Variants in ABLIM2 observed in about 807,000 individuals in gnomAD.
The protein encoded by ABLIM2 is actin binding LIM protein family member 2, also known as actin-binding LIM protein 2.
In ABLIM2, 53 loss-of-function variants were observed where a neutral mutation model predicts 97.7. The observed-to-expected ratio is 0.54, with a 90% CI of 0.44 to 0.68. The LOEUF is 0.68. Ranked by LOEUF, ABLIM2 falls within the 30% of genes least tolerant of loss-of-function variation. The pLI is 0.00. For missense variants in ABLIM2, 835 were observed against 867.2 expected, an observed-to-expected ratio of 0.96 and a Z score of 0.47; for synonymous variants, 361 against 345.8, an observed-to-expected ratio of 1.04 and a Z score of -0.49.
chr4:7,993,453 G>A (rs192592466), intron 16 of ABLIM2, among the ~76,000 whole-genome samples: 25 of 152,346 alleles, frequency 1.6e-4, no homozygotes, highest in Non-Finnish European at 2.6e-4. Flanking sequence ...GGAGGCCAAG[G>A]TGGGAAAATC....
chr4:8,102,559 T>C (rs1001839615), intron 2 of ABLIM2, among the ~76,000 whole-genome samples: 4 of 152,204 alleles, frequency 2.6e-5, no homozygotes, highest in African/African-American at 4.8e-5. Context: ...TGAATGACTT[T>C]TACTTAGAAA....
chr4:8,081,961 G>C (rs1218682361), intron 4 of ABLIM2, among the ~76,000 whole-genome samples: 1 of 152,168 alleles, frequency 6.6e-6, no homozygotes, highest in Non-Finnish European at 1.5e-5. Flanking sequence ...GTGTGTCTAC[G>C]TATGTGTTTG....
intron 15 of ABLIM2, 84 bp downstream of exon 15, chr4:8,008,966 G>A (rs950803300): frequency 1.9e-5 from 29 of 1,495,992 alleles, no homozygotes; most frequent in African/African-American, 9.7e-5. Context: ...AGGAAGATTC[G>A]AAGTCTCAAT....
chr4:8,000,105 G>T (rs369412914), intron 16 of ABLIM2, among the ~76,000 whole-genome samples: 1 of 152,058 alleles, frequency 6.6e-6, no homozygotes, highest in Non-Finnish European at 1.5e-5. Context: ...GGCACTGCAC[G>T]GGTTCAGGTC....
intron 17 of ABLIM2, among the ~76,000 whole-genome samples, chr4:7,987,596 T>A (rs1745408754): frequency 6.6e-6 from 1 of 152,182 alleles, no homozygotes; most frequent in Admixed American, 6.5e-5. Context: ...TCGCTCTGCA[T>A]AACGGGCTTC....
In ABLIM2 at chr4:8,054,238, T is replaced by A. The variant is rs201080901; in HGVS notation, c.772A>T (p.Ile258Phe). The A allele has an allele frequency of 6.2e-7, 1 of 1,614,058 alleles. No homozygotes were observed. The highest frequency in any genetic ancestry group is 2.2e-5 in the East Asian group (1 of 44,886). ...GEEMYLQGSS[I>F]WHPACRQAAR... is the part of the protein sequence containing the mutation. ...GCTTGTCGACACGCCGGATGCCAGA[T>A]GGAGGAACCTGTTGACAAATTCCCA... The change falls in exon 8 of 21, where the codon ATC becomes TTC. Residue 258 changes from isoleucine to phenylalanine, a missense_variant. Transcript: ENST00000447017. This position sits in a 1 kb window ranked among gnomAD's most constrained non-coding sequence, Gnocchi z 4.9.
At chr4:8,034,817 AGGTGGGT>A (rs1382043731) in intron 10 of ABLIM2, among the ~76,000 whole-genome samples, 7 of 25,668 alleles carry the variant, frequency 2.7e-4, no homozygotes, top group Non-Finnish European at 4.2e-4. Flanking sequence ...AGGTGGGTGC[AGGTGGGT>A]GGTGGGTGGT....
rs189332425 is a variant in ABLIM2 at position 8,004,689 on chromosome 4, C to T, written c.1618+3370G>A. ...AGTCCACACCACCTTGTGTTCCTCC[C>T]CCAAGGCAGCGAGTCTTGTTCTAGA... On this transcript the variant is annotated intron_variant, in intron 16 of 20. Coordinates refer to ENST00000447017, the MANE Select transcript of ABLIM2 (RefSeq NM_001130083.2). The surrounding 1 kb of genome is among the most constrained non-coding windows in gnomAD (Gnocchi z 5.9). Among the ~76,000 whole-genome samples, 140 of 152,272 alleles carry T rather than the reference C, an allele frequency of 9.2e-4. No homozygotes were observed. Among genetic ancestry groups the T allele is most frequent in the Middle Eastern group, 3.4e-3 (1 of 294 alleles).
intron 3 of ABLIM2, 88 bp downstream of exon 3, chr4:8,097,011 G>A (rs1831985396): frequency 1.4e-6 from 2 of 1,448,768 alleles, no homozygotes; most frequent in African/African-American, 2.8e-5. Flanking sequence ...TCACGGGAGG[G>A]AGCAGGAGGA....
At chr4:8,028,307 G>T (rs547908751) in intron 11 of ABLIM2, among the ~76,000 whole-genome samples, 37 of 152,198 alleles carry the variant, frequency 2.4e-4, no homozygotes, top group Non-Finnish European at 4.3e-4. Flanking sequence ...TGTGCTATGG[G>T]GATTGAGCCA....
intron 20 of ABLIM2, among the ~76,000 whole-genome samples, chr4:7,971,572 G>A (rs1252469363): frequency 6.6e-6 from 1 of 152,114 alleles, no homozygotes; most frequent in African/African-American, 2.4e-5. Flanking sequence ...GCCAGACCTG[G>A]GAGCCAGGTT....
At chr4:8,111,959 C>T (rs1389868666) in intron 1 of ABLIM2, among the ~76,000 whole-genome samples, 1 of 149,786 alleles carries the variant, frequency 6.7e-6, no homozygotes, top group Non-Finnish European at 1.5e-5. Flanking sequence ...TAAAAAGGAA[C>T]TAACCACAAT....
chr4:8,131,779 C>A (rs1397695349), intron 1 of ABLIM2, among the ~76,000 whole-genome samples: 1 of 109,356 alleles, frequency 9.1e-6, no homozygotes, highest in Admixed American at 8.6e-5. Context: ...CAGCCCGCAT[C>A]CCCTGCACAG....
chr4:8,003,018 G>A lies in ABLIM2; in HGVS notation c.1618+5041C>T, dbSNP rs201642708. On this transcript the variant is annotated intron_variant, in intron 16 of 20. Coordinates refer to ENST00000447017, the MANE Select transcript of ABLIM2 (RefSeq NM_001130083.2). This position sits in a 1 kb window ranked among gnomAD's most constrained non-coding sequence, Gnocchi z 4.2. Reference sequence around the variant, plus strand: ...GTTTCTCTTTGTCTCCCAGCCCCTAGTAGAATGTCGGCTCCCCAGACAGGG... The same window carrying A: ...GTTTCTCTTTGTCTCCCAGCCCCTAATAGAATGTCGGCTCCCCAGACAGGG... Among the ~76,000 whole-genome samples the A allele has an allele frequency of 6.6e-6, 1 of 152,178 alleles. No homozygotes were observed. The highest frequency in any genetic ancestry group is 1.9e-4 in the East Asian group (1 of 5,188).
chr4:8,157,511 G>A (rs1411140386), intron 1 of ABLIM2, among the ~76,000 whole-genome samples: 7 of 152,364 alleles, frequency 4.6e-5, no homozygotes, highest in African/African-American at 1.7e-4. Flanking sequence ...TCCCGGCAAC[G>A]CCGTCCCTCC....
At chr4:8,059,512 CT>C (rs1801477086) in intron 7 of ABLIM2, among the ~76,000 whole-genome samples, 1 of 152,092 alleles carries the variant, frequency 6.6e-6, no homozygotes, top group Non-Finnish European at 1.5e-5. Flanking sequence ...AAGGTGCCCC[CT>C]GTCCCCCGGC....
rs1744454602 is a variant in ABLIM2 at position 7,986,679 on chromosome 4, T to A, written c.1681-1786A>T. 6.6e-6 allele frequency among the ~76,000 whole-genome samples: 1 copy of A among 152,018 alleles called. No homozygotes were observed. Among genetic ancestry groups the A allele is most frequent in the Non-Finnish European group, 1.5e-5 (1 of 68,000 alleles). The stretch of plus-strand genomic sequence containing the variant: ...TTCAGGGGTATTCACAAAGAATTTC[T>A]TTTTTTTCTTTGAGACAGAGTCTTG... On this transcript the variant is annotated intron_variant, in intron 17 of 20. Transcript: ENST00000447017. This position sits in a 1 kb window ranked among gnomAD's most constrained non-coding sequence, Gnocchi z 4.3.
chr4:8,108,681 C>T (rs528499553), intron 1 of ABLIM2, among the ~76,000 whole-genome samples: 12 of 152,344 alleles, frequency 7.9e-5, no homozygotes, highest in East Asian at 5.8e-4. Flanking sequence ...TTCTGGGAGC[C>T]GCCTCCAGTC....
At chr4:8,062,652 G>T (rs1422998386) in intron 6 of ABLIM2, among the ~76,000 whole-genome samples, 2 of 152,156 alleles carry the variant, frequency 1.3e-5, no homozygotes, top group East Asian at 3.9e-4. Context: ...TGTTAGCCAG[G>T]ATGGTCTCGA....
Sources: gnomAD v4.1 joint callset for allele counts (sites outside exome capture counted in the v4.1 genomes callset) on GRCh38, gnomAD v4.1.1 for gene constraint, Gnocchi (gnomAD v3.1) non-coding constraint, MANE v1.5 for transcripts, NCBI Gene and HGNC (gene_info 2026-07-23, HGNC 2026-07-21) for gene names.